DHRSX: variants seen among roughly 807,000 people sequenced by gnomAD.
The protein encoded by DHRSX is dehydrogenase/reductase X-linked.
A neutral mutation model predicts 34.0 loss-of-function variants in DHRSX; 31 were observed. The observed-to-expected ratio is 0.91, with a 90% CI of 0.69 to 1.23. The LOEUF is 1.23. Among genes scored for constraint, DHRSX ranks in the 50% most tolerant of loss-of-function variants. The probability of loss-of-function intolerance (pLI) is 0.00; values close to 1 mark genes in which losing one functional copy is unlikely to be tolerated. For missense variants in DHRSX, 414 were observed against 428.1 expected (o/e 0.97, Z 0.29); for synonymous variants, 201 against 183.8 (o/e 1.09, Z -0.76).
intron 3 of DHRSX, among the ~76,000 whole-genome samples, chrX:2,306,549 C>T (rs1217820379): frequency 6.6e-6 from 1 of 151,702 alleles, no homozygotes; most frequent in Non-Finnish European, 1.5e-5. Flanking sequence ...GCAACCTCCA[C>T]CCGCCAGGTT....
rs183645938 is a variant in DHRSX at position 2,360,388 on chromosome X, G to A, written c.286+48357C>T. Reference sequence around the variant, plus strand: ...TCACGAGGGCAGGAGTTCAAGACCAGCCTGACCAACATGGTGAAACCCTGT... The same window carrying A: ...TCACGAGGGCAGGAGTTCAAGACCAACCTGACCAACATGGTGAAACCCTGT... On this transcript the variant is annotated intron_variant, in intron 3 of 6. Coordinates refer to ENST00000334651, the MANE Select transcript of DHRSX (RefSeq NM_145177.3). Among the ~76,000 whole-genome samples the A allele has an allele frequency of 7.0e-3, 1,062 of 152,236 alleles. 6 individuals are homozygous for A. The highest frequency in any genetic ancestry group is 0.02 in the South Asian group (94 of 4,820).
chrX:2,309,610 G>A (rs761547197), intron 3 of DHRSX, among the ~76,000 whole-genome samples: 80 of 152,234 alleles, frequency 5.3e-4, no homozygotes, highest in African/African-American at 1.9e-3. Context: ...ACCCAACTGG[G>A]CTAATTTGAA....
At chrX:2,346,843 C>T (rs2042723656) in intron 3 of DHRSX, among the ~76,000 whole-genome samples, 1 of 152,008 alleles carries the variant, frequency 6.6e-6, no homozygotes, top group Admixed American at 6.6e-5. Context: ...TGTTCCCCTC[C>T]CTGTGTCCAT....
Position 2,464,497 on chromosome X carries a change from G to GA in DHRSX, c.109+36319dup, listed in dbSNP as rs1003893808. ...ACGCTCCCTAAGAATGCGTCCAGGG[G>GA]ACTGCTGCCGTGTGCACACTGAAGA... On this transcript the variant is annotated intron_variant, in intron 1 of 6. Transcript: ENST00000334651. Among the ~76,000 whole-genome samples the GA allele has an allele frequency of 1.2e-3, 103 of 88,850 alleles. 3 individuals carry two copies. The highest frequency in any genetic ancestry group is 5.1e-3 in the African/African-American group (101 of 19,934). The allele number at this position is 88,850 out of a possible 152,430, so 58.3% of individuals were successfully genotyped here.
At chrX:2,325,335 C>G (rs1357929407) in intron 3 of DHRSX, among the ~76,000 whole-genome samples, 3 of 150,110 alleles carry the variant, frequency 2.0e-5, no homozygotes, top group Non-Finnish European at 3.0e-5. Flanking sequence ...ATCTTCCCGG[C>G]AGGAACTAGG....
At chrX:2,490,803 G>A in intron 1 of DHRSX, 1 of 1,538,208 alleles carries the variant, frequency 6.5e-7, no homozygotes. Context: ...CACAGCATGA[G>A]AAGGGACCCA....
intron 3 of DHRSX, among the ~76,000 whole-genome samples, chrX:2,363,278 G>A (rs867475722): frequency 2.3e-5 from 3 of 129,580 alleles, no homozygotes; most frequent in East Asian, 2.3e-4. Flanking sequence ...TTTTATCACC[G>A]TTCTATGGTA....
Position 2,500,889 on chromosome X carries a change from C to T in DHRSX, c.37G>A (p.Val13Ile). The T allele has an allele frequency of 8.8e-7, 1 of 1,140,274 alleles. No individual in the cohort carries two copies. Among genetic ancestry groups the T allele is most frequent in the Non-Finnish European group, 1.1e-6 (1 of 925,326 alleles). The allele number at this position is 1,140,274 out of a possible 1,614,324, so 70.6% of individuals were successfully genotyped here. ...ATCACCGCGGCGCCTACCGCGTAGA[C>T]CCGCAGGGCCGCCCGCGCCGCAGAC... is the stretch of plus-strand genomic sequence containing the variant. Reference protein sequence around the residue: ...PLSAARAALRVYAVGAAVILA... With the variant: ...PLSAARAALRIYAVGAAVILA... Residue 13 changes from valine (V) to isoleucine (I), a missense_variant, in exon 1 of 7, where the codon GTC becomes ATC. Coordinates refer to ENST00000334651, the MANE Select transcript of DHRSX (RefSeq NM_145177.3).
rs2015511517 is a variant in DHRSX, at chrX:2,221,179, C to T, written c.855G>A (p.Glu285=). 8 of 1,613,912 alleles carry T rather than the reference C, an allele frequency of 5.0e-6. No homozygotes were observed. Among genetic ancestry groups the T allele is most frequent in the Non-Finnish European group, 6.8e-6 (8 of 1,179,840 alleles). The change falls in exon 7 of 7, where the codon GAG becomes GAA. Residue 285 remains glutamate (E), a synonymous_variant. Coordinates refer to ENST00000334651, the MANE Select transcript of DHRSX (RefSeq NM_145177.3). ...GGTAATGGCCACCAACTCCTTCCAG[C>T]TCTGGGGTGACTGCTGCGTAGATGG... ...WTSIYAAVTP[E]LEGVGGHYLY... is the part of the protein sequence containing the mutation.
chrX:2,351,286 C>T (rs1292403043), intron 3 of DHRSX, among the ~76,000 whole-genome samples: 3 of 152,136 alleles, frequency 2.0e-5, no homozygotes, highest in Admixed American at 6.5e-5. Context: ...TGTAAATGTT[C>T]GGCTACATCG....
chrX:2,242,253 C>T (rs1294868981), intron 6 of DHRSX, among the ~76,000 whole-genome samples: 1 of 152,124 alleles, frequency 6.6e-6, no homozygotes, highest in Non-Finnish European at 1.5e-5. Context: ...TTGGCCCCTA[C>T]CACAGCATCC....
intron 5 of DHRSX, among the ~76,000 whole-genome samples, chrX:2,252,318 ATC>A (rs1165797678): frequency 2.6e-5 from 4 of 152,192 alleles, no homozygotes; most frequent in African/African-American, 7.2e-5. Context: ...CTGAAGTCCC[ATC>A]TCTGATCCAA....
chrX:2,321,772 C>T (rs1025505182), intron 3 of DHRSX, among the ~76,000 whole-genome samples: 1 of 152,046 alleles, frequency 6.6e-6, no homozygotes, highest in Non-Finnish European at 1.5e-5. Context: ...TTGCACGGGT[C>T]CACTTCTACG....
chrX:2,371,223 GTAGTCCCTCCCCATTACCA>G (rs1197451342), intron 3 of DHRSX, among the ~76,000 whole-genome samples: 3 of 113,026 alleles, frequency 2.7e-5, no homozygotes, highest in East Asian at 2.3e-4. Context: ...TCCCGTTACC[GTAGTCCCTCCCCATTACCA>G]TAGTCCCTCC....
intron 5 of DHRSX, among the ~76,000 whole-genome samples, chrX:2,247,205 T>TTC (rs1243458557): frequency 6.6e-6 from 1 of 152,272 alleles, no homozygotes; most frequent in East Asian, 1.9e-4. Flanking sequence ...CACCTTGGCC[T>TTC]TCCAAAGTGC....
At chrX:2,475,406 G>A (rs760645161) in intron 1 of DHRSX, among the ~76,000 whole-genome samples, 4 of 147,326 alleles carry the variant, frequency 2.7e-5, no homozygotes, top group South Asian at 2.1e-4. Flanking sequence ...CCAAGGGACC[G>A]CCACCATGTA....
intron 1 of DHRSX, among the ~76,000 whole-genome samples, chrX:2,453,052 A>T (rs2044246964): frequency 6.6e-6 from 1 of 152,206 alleles, no homozygotes; most frequent in African/African-American, 2.4e-5. Flanking sequence ...TGAAAAAGGA[A>T]ATCCTGTCAT....
chrX:2,481,856 A>C (rs192361157), intron 1 of DHRSX, among the ~76,000 whole-genome samples: 54 of 152,252 alleles, frequency 3.5e-4, no homozygotes, highest in African/African-American at 1.2e-3. Flanking sequence ...TCCCGAGTAC[A>C]TGCAAACTGC....
chrX:2,246,173 T>A (rs761404878), intron 5 of DHRSX, among the ~76,000 whole-genome samples: 1 of 152,214 alleles, frequency 6.6e-6, no homozygotes, highest in African/African-American at 2.4e-5. Context: ...CAGCATGATA[T>A]TTATGCTAAA....
Sources: gnomAD v4.1 joint callset for allele counts (sites outside exome capture counted in the v4.1 genomes callset) on GRCh38, gnomAD v4.1.1 for gene constraint, MANE v1.5 for transcripts, NCBI Gene and HGNC (gene_info 2026-07-23, HGNC 2026-07-21) for gene names.